Variants in NUP214 observed in about 807,000 individuals in gnomAD.
The protein encoded by NUP214 is nucleoporin 214, also known as nuclear pore complex protein Nup214.
Under a neutral mutation model 196.2 loss-of-function variants are expected in NUP214, and 79 were observed. That is an observed-to-expected ratio of 0.40 (90% CI 0.34 to 0.49). NUP214 has a LOEUF of 0.49. NUP214 is among the 20% of genes least tolerant of loss of function. NUP214 has a pLI of 0.58. For synonymous variants in NUP214, 1,020 were observed against 990.5 expected, an observed-to-expected ratio of 1.03 and a Z score of -0.56; for missense variants, 2,468 against 2,539.0, an observed-to-expected ratio of 0.97 and a Z score of 0.60.
Position 131,197,650 on chromosome 9 carries a change from C to T in NUP214, c.4156C>T (p.Pro1386Ser), listed in dbSNP as rs1361555282. The change falls in exon 29 of 36, where the codon CCC becomes TCC. Residue 1386 changes from proline to serine, a missense_variant. Around this residue, in one of 5 missense-constraint regions of NUP214, gnomAD observed 1,801 missense variants for 1,779.4 expected, o/e 1.01. Transcript: ENST00000359428. ...CCCGGTGTTAGGGAAGCACACGGAG[C>T]CCCCTGTGACATCCTCTGCAACCAC... ...APPVLGKHTE[P>S]PVTSSATTTS... The T allele has an allele frequency of 1.9e-6, 3 of 1,614,152 alleles. No individual in the cohort carries two copies. Among genetic ancestry groups the T allele is most frequent in the Non-Finnish European group, 2.5e-6 (3 of 1,180,026 alleles).
Position 131,201,629 on chromosome 9 carries a change from T to C in NUP214, c.5522-18T>C. On this transcript the variant is annotated intron_variant, in intron 29 of 35. Transcript: ENST00000359428. ...CATCCAATCCAAATTGAATTTTTGT[T>C]TTCTTTGTATTTTACAGGTTTTGGG... 1 of 1,607,722 alleles carries C rather than the reference T, an allele frequency of 6.2e-7. No individual in the cohort carries two copies.
chr9:131,225,699 G>A (rs1834700937), intron 32 of NUP214, among the ~76,000 whole-genome samples: 1 of 152,216 alleles, frequency 6.6e-6, no homozygotes, highest in South Asian at 2.1e-4. Flanking sequence ...TCTATTGAAA[G>A]AGGGGACTGG....
At position 131,144,466 on chromosome 9, in the gene NUP214, C is replaced by T. The variant is rs370097324; in HGVS notation, c.1481C>T (p.Thr494Met). ...TCTTCATCTTTGAAGTCATCTGCTACGGTCACTGGGGAGCCCCCTTCATAT... is the reference window on the plus strand; with the variant it reads ...TCTTCATCTTTGAAGTCATCTGCTATGGTCACTGGGGAGCCCCCTTCATAT... The part of the protein sequence containing the change: ...FGSSSLKSSA[T>M]VTGEPPSYSS... Residue 494 changes from threonine (T) to methionine (M), a missense_variant, in exon 12 of 36, where the codon ACG (threonine) becomes ATG (methionine). Coordinates refer to ENST00000359428, the MANE Select transcript of NUP214 (RefSeq NM_005085.4). The T allele has an allele frequency of 1.2e-6, 2 of 1,614,200 alleles. No homozygotes were observed. Among genetic ancestry groups the T allele is most frequent in the Non-Finnish European group, 8.5e-7 (1 of 1,180,022 alleles).
At position 131,174,254 on chromosome 9, in the gene NUP214, T is replaced by C. The variant is rs1271450765; in HGVS notation, c.3093T>C (p.His1031=). The C allele has an allele frequency of 1.2e-6, 2 of 1,613,954 alleles. No homozygotes were observed. Among genetic ancestry groups the C allele is most frequent in the East Asian group, 2.2e-5 (1 of 44,874 alleles). The part of the protein sequence containing the change: ...TPSIQPSLLP[H]AAPFAKSHLV... ...CCATCCAGCCCAGTCTCTTGCCCCA[T>C]GCAGCACCTTTTGCTAAATCTCACC... The change falls in exon 22 of 36, where the codon CAT becomes CAC. Residue 1031 remains histidine (H), a synonymous_variant. Coordinates refer to ENST00000359428, the MANE Select transcript of NUP214 (RefSeq NM_005085.4).
At chr9:131,157,893 G>A (rs1319641467) in intron 17 of NUP214, among the ~76,000 whole-genome samples, 1 of 152,096 alleles carries the variant, frequency 6.6e-6, no homozygotes, top group African/African-American at 2.4e-5. Context: ...TGATCCACCT[G>A]CTTTGGCCTC....
chr9:131,160,395 G>A (rs1314870143), intron 18 of NUP214, among the ~76,000 whole-genome samples: 2 of 152,204 alleles, frequency 1.3e-5, no homozygotes, highest in East Asian at 3.9e-4. Flanking sequence ...AATTAGTGTG[G>A]ATAATTAAAA....
Position 131,144,696 on chromosome 9 carries a change from G to C in NUP214, c.1711G>C (p.Ala571Pro). The C allele has an allele frequency of 6.2e-7, 1 of 1,614,016 alleles. No individual in the cohort carries two copies. Among genetic ancestry groups the C allele is most frequent in the Non-Finnish European group, 8.5e-7 (1 of 1,179,936 alleles). Residue 571 changes from alanine (A) to proline (P), a missense_variant, in exon 12 of 36, where the codon GCA becomes CCA. Physicochemically the swap from Ala to Pro is conservative, Grantham distance 27 (BLOSUM62 -1). Coordinates refer to ENST00000359428, the MANE Select transcript of NUP214 (RefSeq NM_005085.4). ...PVPSVSAPNI[A>P]MKPSFPPSTS... The stretch of plus-strand genomic sequence containing the variant: ...GCCAAGTGTGTCTGCTCCAAATATA[G>C]CAATGAAGCCCTCCTTCCCACCCTC...
intron 29 of NUP214, among the ~76,000 whole-genome samples, chr9:131,200,748 T>G (rs933860374): frequency 6.6e-6 from 1 of 151,922 alleles, no homozygotes; most frequent in Admixed American, 6.6e-5. Context: ...AACTCCTGCC[T>G]TCTCACTCCT....
intron 4 of NUP214, 26 bp from the exon 5 acceptor site, chr9:131,130,740 C>T: frequency 6.2e-7 from 1 of 1,609,200 alleles, no homozygotes; most frequent in Non-Finnish European, 8.5e-7. Context: ...TTCTTGTTTT[C>T]ATTTGGTAAT....
At chr9:131,131,362 A>G (rs539420094) in intron 5 of NUP214, among the ~76,000 whole-genome samples, 1 of 152,364 alleles carries the variant, frequency 6.6e-6, no homozygotes, top group South Asian at 2.1e-4. Flanking sequence ...TCTTGAAATA[A>G]TGTTCACAAA....
chr9:131,192,169 C>CTTTTTTT lies in NUP214; in HGVS notation c.3575-19_3575-13dup, dbSNP rs66652901. ...AGTGTTTCTGTCTTTTTGTAATATTCTTTTTTTTTTTTTTTTTTTTTTTTT... is the reference window on the plus strand; with the variant it reads ...AGTGTTTCTGTCTTTTTGTAATATTCTTTTTTTTTTTTTTTTTTTTTTTTTTTTTTTT... On this transcript the variant is annotated intron_variant, in intron 26 of 35. Coordinates refer to ENST00000359428, the MANE Select transcript of NUP214 (RefSeq NM_005085.4). The CTTTTTTT allele has an allele frequency of 1.7e-4, 78 of 447,482 alleles. 5 individuals are homozygous for CTTTTTTT. Among genetic ancestry groups the CTTTTTTT allele is most frequent in the South Asian group, 4.7e-4 (15 of 31,982 alleles). 27.7% of individuals were successfully genotyped at this position (447,482 alleles called of 1,614,324 possible).
chr9:131,187,221 C>A, intron 24 of NUP214, 68 bp from the exon 25 acceptor site: 1 of 1,387,952 alleles, frequency 7.2e-7, no homozygotes, highest in Non-Finnish European at 1.0e-6. Context: ...AGAAGGTTGG[C>A]TTGAGAATGA....
At chr9:131,131,462 C>T (rs566312163) in intron 5 of NUP214, among the ~76,000 whole-genome samples, 1 of 152,304 alleles carries the variant, frequency 6.6e-6, no homozygotes, top group South Asian at 2.1e-4. Flanking sequence ...GTGCTAAGGC[C>T]TTTCTTGTGC....
rs1834913370 is a variant in NUP214 at position 131,232,730 on chromosome 9, G to A, written c.6239+422G>A. On this transcript the variant is annotated intron_variant, in intron 35 of 35. Coordinates refer to ENST00000359428, the MANE Select transcript of NUP214 (RefSeq NM_005085.4). The surrounding 1 kb of genome is among the most constrained non-coding windows in gnomAD (Gnocchi z 5.1). ...TTCATGGCGTTAAAATTCAGTCTTA[G>A]CCAGGTGGGTGGTTCACGCCTATAA... 2 of 250,792 alleles carry A rather than the reference G, an allele frequency of 8.0e-6. No individual in the cohort carries two copies. Among genetic ancestry groups the A allele is most frequent in the South Asian group, 9.3e-5 (2 of 21,562 alleles). 15.5% of individuals were successfully genotyped at this position (250,792 alleles called of 1,614,324 possible). A position where few individuals can be genotyped will look rare whatever the true frequency, so the allele number is the denominator to read the frequency against.
At chr9:131,151,651 T>G in intron 16 of NUP214, 85 bp from the exon 17 acceptor site, 12 of 1,076,782 alleles carry the variant, frequency 1.1e-5, no homozygotes, top group Non-Finnish European at 1.6e-5. Context: ...AGTGAGCGTT[T>G]GAGAAACACC....
Position 131,199,409 on chromosome 9 carries a change from T to G in NUP214, c.5521+394T>G, listed in dbSNP as rs1833885663. 3.3e-5 allele frequency among the ~76,000 whole-genome samples: 5 copies of G among 152,346 alleles called. No individual in the cohort carries two copies. The South Asian group carries it at 1.0e-3, about 32-fold the overall frequency. ...TCAAGCCTCAAGGAGACTGCTCTAA[T>G]GTCAGGATAGTGCCAGTGGAACCAG... On this transcript the variant is annotated intron_variant, in intron 29 of 35. Coordinates refer to ENST00000359428, the MANE Select transcript of NUP214 (RefSeq NM_005085.4).
chr9:131,229,487 A>G (rs1834811338), intron 33 of NUP214: 1 of 336,618 alleles, frequency 3.0e-6, no homozygotes, highest in African/African-American at 2.2e-5. Flanking sequence ...TTGGCTGGGT[A>G]TCTTGTGAAT....
chr9:131,226,295 A>G (rs968433015), intron 32 of NUP214, among the ~76,000 whole-genome samples: 2 of 152,226 alleles, frequency 1.3e-5, no homozygotes, highest in African/African-American at 4.8e-5. Flanking sequence ...TTATGAAAAT[A>G]CGGCAACTGA....
chr9:131,168,046 T>C (rs1832838107), intron 21 of NUP214, among the ~76,000 whole-genome samples: 1 of 152,144 alleles, frequency 6.6e-6, no homozygotes, highest in Admixed American at 6.5e-5. Flanking sequence ...CAGGCCACCA[T>C]GCCCAGATAA....
Sources: allele counts gnomAD v4.1 joint callset (sites outside exome capture counted in the v4.1 genomes callset), GRCh38; gene constraint gnomAD v4.1.1; regional missense constraint gnomAD v4.1.1; non-coding constraint Gnocchi (gnomAD v3.1); transcripts MANE v1.5; gene names NCBI Gene and HGNC (gene_info 2026-07-23, HGNC 2026-07-21).